The following AUTS2 variants were observed in gnomAD, a reference collection of about 807,000 sequenced individuals.
AUTS2 encodes the protein autism susceptibility gene 2 protein.
AUTS2 carries 17 observed loss-of-function variants against 112.4 expected under a neutral mutation model. The ratio of observed to expected loss-of-function variants is 0.15; its 90% CI spans 0.10 to 0.23. The LOEUF is 0.23. Among genes scored for constraint, AUTS2 ranks in the 10% least tolerant of loss-of-function variants. AUTS2 has a pLI of 1.00. For synonymous variants in AUTS2, 751 were observed against 702.7 expected, an observed-to-expected ratio of 1.07 and a Z score of -1.09; for missense variants, 1,510 against 1,701.6, an observed-to-expected ratio of 0.89 and a Z score of 1.98.
At chr7:70,376,275 T>C (rs1230131167) in intron 4 of AUTS2, among the ~76,000 whole-genome samples, 1 of 152,244 alleles carries the variant, frequency 6.6e-6, no homozygotes, top group African/African-American at 2.4e-5. Flanking sequence ...GCTTAATTCC[T>C]ATTTTCATTT....
intron 5 of AUTS2, chr7:70,437,962 C>G (rs1795966107): frequency 6.6e-6 from 1 of 152,172 alleles, no homozygotes; most frequent in Admixed American, 6.5e-5. Flanking sequence ...GTGGCCTCAA[C>G]CTTGACACCC....
At chr7:70,027,304 G>A (rs1194527246) in intron 2 of AUTS2, among the ~76,000 whole-genome samples, 3 of 152,172 alleles carry the variant, frequency 2.0e-5, no homozygotes, top group East Asian at 3.9e-4. Context: ...TAGCCTTGTC[G>A]GGTTTTCCTC....
rs113704267 is a variant in AUTS2, at chr7:70,582,418, C to T, written c.691-116151C>T. Reference sequence around the variant, plus strand: ...GGACCCTCTAGCAGCCTGCATTCTCCGACTTGAATGGCTGCATGTGGAGAG... The same window carrying T: ...GGACCCTCTAGCAGCCTGCATTCTCTGACTTGAATGGCTGCATGTGGAGAG... On this transcript the variant is annotated intron_variant, in intron 5 of 18. Coordinates refer to ENST00000342771, the MANE Select transcript of AUTS2 (RefSeq NM_015570.4). Among the ~76,000 whole-genome samples, 638 of 152,322 alleles carry T rather than the reference C, an allele frequency of 4.2e-3. 5 individuals are homozygous for T. Among genetic ancestry groups the T allele is most frequent in the African/African-American group, 0.015 (605 of 41,564 alleles).
chr7:70,598,644 TG>T (rs1334545390), intron 5 of AUTS2, among the ~76,000 whole-genome samples: 1 of 152,174 alleles, frequency 6.6e-6, no homozygotes, highest in Non-Finnish European at 1.5e-5. Flanking sequence ...CTCTCAGAAA[TG>T]TTGCCCAAGG....
intron 1 of AUTS2, among the ~76,000 whole-genome samples, chr7:69,783,497 T>C (rs1478566784): frequency 6.6e-6 from 1 of 152,012 alleles, no homozygotes; most frequent in Non-Finnish European, 1.5e-5. Context: ...CTCACACTGA[T>C]TTTTGCGGCA....
chr7:70,554,364 C>T (rs1350654421), intron 5 of AUTS2, among the ~76,000 whole-genome samples: 7 of 150,506 alleles, frequency 4.7e-5, no homozygotes, highest in Non-Finnish European at 8.9e-5. Context: ...CCACTGTGCC[C>T]GGCCTCTTTT....
chr7:70,779,542 G>A (rs772006563), intron 14 of AUTS2, among the ~76,000 whole-genome samples: 1 of 152,202 alleles, frequency 6.6e-6, no homozygotes, highest in African/African-American at 2.4e-5. Flanking sequence ...GGGTGAGTGG[G>A]ACGTTGCCGT....
chr7:70,329,564 A>T, intron 4 of AUTS2, among the ~76,000 whole-genome samples: 1 of 150,068 alleles, frequency 6.7e-6, no homozygotes. Context: ...GGCCATTTTT[A>T]TATTTTTTTT....
chr7:70,271,889 T>C (rs964205404), intron 4 of AUTS2, among the ~76,000 whole-genome samples: 3 of 152,216 alleles, frequency 2.0e-5, no homozygotes, highest in Admixed American at 6.5e-5. Context: ...TTAATGGAGT[T>C]AGACTCCCCA....
chr7:70,676,877 C>CA (rs5884793), intron 5 of AUTS2, among the ~76,000 whole-genome samples: 48,716 of 149,480 alleles, frequency 0.33, 7,976 homozygotes, highest in Middle Eastern at 0.43. Flanking sequence ...GATTCCATCT[C>CA]AAAAAAAAAA....
chr7:70,733,732 G>A (rs1051074875), intron 6 of AUTS2, among the ~76,000 whole-genome samples: 3 of 151,810 alleles, frequency 2.0e-5, no homozygotes, highest in Admixed American at 6.6e-5. Flanking sequence ...AACTACAGGC[G>A]CCCGCCACCA....
intron 2 of AUTS2, among the ~76,000 whole-genome samples, chr7:70,085,762 A>G (rs1055339213): frequency 1.3e-5 from 2 of 152,192 alleles, no homozygotes; most frequent in Admixed American, 6.5e-5. Context: ...GTCAAAAATC[A>G]GTTGTTTATT....
At chr7:70,245,268 A>G (rs1006933379) in intron 4 of AUTS2, among the ~76,000 whole-genome samples, 1 of 151,772 alleles carries the variant, frequency 6.6e-6, no homozygotes, top group East Asian at 1.9e-4. Flanking sequence ...TTATTCATGC[A>G]GGTAAATTCT....
chr7:70,437,283 C>T (rs1434963200), intron 5 of AUTS2: 1 of 152,178 alleles, frequency 6.6e-6, no homozygotes, highest in Non-Finnish European at 1.5e-5. Context: ...CTCCTGGTGT[C>T]TCAGGCAGCC....
chr7:69,778,326 C>T (rs938321378), intron 1 of AUTS2, among the ~76,000 whole-genome samples: 1 of 150,518 alleles, frequency 6.6e-6, no homozygotes, highest in African/African-American at 2.4e-5. Context: ...GGTCCATAGA[C>T]CACACTTGGA....
At chr7:70,271,045 G>C (rs1787669627) in intron 4 of AUTS2, among the ~76,000 whole-genome samples, 1 of 151,980 alleles carries the variant, frequency 6.6e-6, no homozygotes, top group Non-Finnish European at 1.5e-5. Flanking sequence ...CACACTAGAT[G>C]GTTCCACCCC....
At chr7:70,779,527 G>GTGA (rs1413241191) in intron 14 of AUTS2, among the ~76,000 whole-genome samples, 1 of 152,192 alleles carries the variant, frequency 6.6e-6, no homozygotes, top group East Asian at 1.9e-4. Flanking sequence ...TTCAGTAGGG[G>GTGA]TGATGGGTGA....
At chr7:70,467,126 A>G (rs906931678) in intron 5 of AUTS2, among the ~76,000 whole-genome samples, 1 of 152,240 alleles carries the variant, frequency 6.6e-6, no homozygotes, top group Non-Finnish European at 1.5e-5. Flanking sequence ...TAGAGACTCC[A>G]AAGTGATTGA....
rs201088358 is a variant in AUTS2 at position 69,899,335 on chromosome 7, C to T, written c.359C>T (p.Pro120Leu). The T allele has an allele frequency of 1.2e-6, 2 of 1,613,996 alleles. No individual in the cohort carries two copies. Reference sequence around the variant, plus strand: ...GAACGTGTGGAGAAACGCCAGACGCCCCTGACCAAGAAGAAACGAGAAGCA... The same window carrying T: ...GAACGTGTGGAGAAACGCCAGACGCTCCTGACCAAGAAGAAACGAGAAGCA... ...PQERVEKRQT[P>L]LTKKKREALT... The change falls in exon 2 of 19, where the codon CCC becomes CTC. Residue 120 changes from proline to leucine, a missense_variant. By Grantham distance (98) the Pro-to-Leu change is moderately conservative. This residue lies in a region of AUTS2 where 535 missense variants were observed against 594.3 expected (regional missense o/e 0.90). Transcript: ENST00000342771.
Sources: gnomAD v4.1 joint callset for allele counts (sites outside exome capture counted in the v4.1 genomes callset) on GRCh38, gnomAD v4.1.1 for gene constraint, gnomAD v4.1.1 regional missense constraint, MANE v1.5 for transcripts, NCBI Gene and HGNC (gene_info 2026-07-23, HGNC 2026-07-21) for gene names.